Variants in TSPAN9 observed in about 807,000 individuals in gnomAD.
TSPAN9 encodes tetraspanin 9.
TSPAN9 carries 16 observed loss-of-function variants against 31.0 expected under a neutral mutation model. The observed-to-expected ratio is 0.52, with a 90% confidence interval of 0.35 to 0.78. The LOEUF is 0.78. TSPAN9 is among the 30% of genes least tolerant of loss of function. The probability of loss-of-function intolerance (pLI) is 0.01; values close to 1 mark genes in which losing one functional copy is unlikely to be tolerated. For missense variants in TSPAN9, 272 were observed against 312.5 expected, an observed-to-expected ratio of 0.87 and a Z score of 0.98; for synonymous variants, 145 against 121.6, an observed-to-expected ratio of 1.19 and a Z score of -1.27.
chr12:3,214,896 C>G (rs1246921255), intron 3 of TSPAN9, among the ~76,000 whole-genome samples: 2 of 151,832 alleles, frequency 1.3e-5, no homozygotes, highest in African/African-American at 2.4e-5. Context: ...TCCTTCCCCC[C>G]ATCCCCCTGA....
intron 2 of TSPAN9, among the ~76,000 whole-genome samples, chr12:3,118,220 A>G (rs1458384146): frequency 7.6e-6 from 1 of 132,084 alleles, no homozygotes; most frequent in Non-Finnish European, 1.6e-5. Flanking sequence ...CTGCATTATC[A>G]CATTTACCTG....
At position 3,263,957 on chromosome 12, in the gene TSPAN9, T is replaced by C. The variant is rs183208034; in HGVS notation, c.64-14464T>C. 6.2e-3 allele frequency among the ~76,000 whole-genome samples: 946 copies of C among 152,294 alleles called. 10 individuals are homozygous for C. The highest frequency in any genetic ancestry group is 0.022 in the African/African-American group (894 of 41,562). The stretch of plus-strand genomic sequence containing the variant: ...AGGTGGAGGTGTGGAAGGTGCATTT[T>C]GTGAACCGGGTTTACAATGAAGAGC... On this transcript the variant is annotated intron_variant, in intron 3 of 8. Coordinates refer to ENST00000011898, the MANE Select transcript of TSPAN9 (RefSeq NM_006675.5).
intron 2 of TSPAN9, among the ~76,000 whole-genome samples, chr12:3,104,944 G>A (rs1248004717): frequency 6.6e-6 from 1 of 152,206 alleles, no homozygotes; most frequent in African/African-American, 2.4e-5. Context: ...TGATGGGCAG[G>A]GGGACCCTGT....
chr12:3,099,808 C>T (rs933722272), intron 2 of TSPAN9, among the ~76,000 whole-genome samples: 11 of 151,256 alleles, frequency 7.3e-5, no homozygotes, highest in African/African-American at 2.2e-4. Flanking sequence ...AGGATTCTAC[C>T]GAATACCCTG....
intron 3 of TSPAN9, among the ~76,000 whole-genome samples, chr12:3,276,930 C>A (rs757443267): frequency 1.3e-5 from 2 of 152,122 alleles, no homozygotes; most frequent in Non-Finnish European, 1.5e-5. Flanking sequence ...TGCCTAATTG[C>A]GGGTTGCCCT....
chr12:3,087,203 G>A (rs1446781118), intron 2 of TSPAN9, among the ~76,000 whole-genome samples: 1 of 152,186 alleles, frequency 6.6e-6, no homozygotes, highest in Non-Finnish European at 1.5e-5. Context: ...ACTCAGTGGA[G>A]GGGCCCACGT....
chr12:3,150,255 A>G (rs967678461), intron 2 of TSPAN9, among the ~76,000 whole-genome samples: 5 of 152,166 alleles, frequency 3.3e-5, no homozygotes, highest in African/African-American at 9.7e-5. Context: ...TTTTATGTGT[A>G]TTTGAACAGA....
At chr12:3,161,512 A>C (rs1178203881) in intron 2 of TSPAN9, among the ~76,000 whole-genome samples, 3 of 152,166 alleles carry the variant, frequency 2.0e-5, no homozygotes, top group African/African-American at 7.2e-5. Flanking sequence ...CTTAAAGGAC[A>C]CCTGGAGCCC....
intron 3 of TSPAN9, among the ~76,000 whole-genome samples, chr12:3,246,869 T>G (rs1352439129): frequency 6.6e-6 from 1 of 152,202 alleles, no homozygotes. Context: ...TAGCCTCACT[T>G]GCTTCCTGGG....
chr12:3,091,505 A>G (rs993699026), intron 2 of TSPAN9, among the ~76,000 whole-genome samples: 1 of 152,212 alleles, frequency 6.6e-6, no homozygotes, highest in Admixed American at 6.5e-5. Context: ...AGGATGCTAC[A>G]GTGGAGCTGC....
chr12:3,096,851 C>T, intron 2 of TSPAN9, among the ~76,000 whole-genome samples: 1 of 152,026 alleles, frequency 6.6e-6, no homozygotes, highest in South Asian at 2.1e-4. Flanking sequence ...CGCCACCACG[C>T]CCGGCTAATT....
chr12:3,214,272 G>A (rs11062576), intron 3 of TSPAN9, among the ~76,000 whole-genome samples: 41,907 of 152,102 alleles, frequency 0.28, 5,839 homozygotes, highest in South Asian at 0.32. Context: ...TCATAGTAGC[G>A]TCGGTAGAGT....
In TSPAN9 at chr12:3,108,223, A is replaced by G. The variant is rs574526373; in HGVS notation, c.-18+24504A>G. 2.0e-5 allele frequency among the ~76,000 whole-genome samples: 3 copies of G among 152,350 alleles called. No individual in the cohort carries two copies. In the East Asian group the frequency reaches 5.8e-4, roughly 29 times the overall value. On this transcript the variant is annotated intron_variant, in intron 2 of 8. Coordinates refer to ENST00000011898, the MANE Select transcript of TSPAN9 (RefSeq NM_006675.5). ...GCTGTGATAAATGTATCACAGGGAC[A>G]GTGCAATGGACCACATAGTAGGTAC...
chr12:3,164,567 G>A (rs1304056760), intron 2 of TSPAN9, among the ~76,000 whole-genome samples: 1 of 152,246 alleles, frequency 6.6e-6, no homozygotes, highest in East Asian at 1.9e-4. Context: ...CCTGCGAGGG[G>A]AGATTGACAC....
chr12:3,159,091 A>T (rs989232956), intron 2 of TSPAN9, among the ~76,000 whole-genome samples: 1 of 151,928 alleles, frequency 6.6e-6, no homozygotes, highest in African/African-American at 2.4e-5. Context: ...TTTATTGTAC[A>T]TGATCTAAGT....
At chr12:3,242,484 C>T (rs1343245182) in intron 3 of TSPAN9, among the ~76,000 whole-genome samples, 1 of 152,248 alleles carries the variant, frequency 6.6e-6, no homozygotes, top group African/African-American at 2.4e-5. Flanking sequence ...AGTCCAAGCT[C>T]CCACAGTGAG....
chr12:3,120,197 C>A (rs886193931), intron 2 of TSPAN9, among the ~76,000 whole-genome samples: 3 of 152,168 alleles, frequency 2.0e-5, no homozygotes, highest in African/African-American at 4.8e-5. Flanking sequence ...AATTCCAAGG[C>A]CATAACTCCC....
rs185179525 is a variant in TSPAN9, at chr12:3,181,073, G to A, written c.-17-20104G>A. On this transcript the variant is annotated intron_variant, in intron 2 of 8. Transcript: ENST00000011898. ...AGTCACAGTGGAAAGATGGGTGGGG[G>A]GGATGTTTGCTTGGGGAAGAGAAGA... Among the ~76,000 whole-genome samples, 10 of 151,944 alleles carry A rather than the reference G, an allele frequency of 6.6e-5. No homozygotes were observed. The East Asian group carries it at 2.0e-3, about 30-fold the overall frequency.
chr12:3,278,000 C>T (rs999034335), intron 3 of TSPAN9, among the ~76,000 whole-genome samples: 1 of 152,222 alleles, frequency 6.6e-6, no homozygotes, highest in Non-Finnish European at 1.5e-5. Flanking sequence ...TGAAGTCTTT[C>T]TTGCTTTTCC....
Sources: gnomAD v4.1 joint callset for allele counts (sites outside exome capture counted in the v4.1 genomes callset) on GRCh38, gnomAD v4.1.1 for gene constraint, MANE v1.5 for transcripts, NCBI Gene and HGNC (gene_info 2026-07-23, HGNC 2026-07-21) for gene names.